INSL6: variants seen among roughly 807,000 people sequenced by gnomAD.
INSL6 encodes insulin-like peptide INSL6.
A neutral mutation model predicts 9.4 loss-of-function variants in INSL6; 16 were observed. The observed-to-expected ratio is 1.70, with a 90% CI of 1.15 to 2.59. INSL6 has a LOEUF of 2.59. Ranked by LOEUF, INSL6 falls within the 30% of genes most tolerant of loss-of-function variation. The pLI, the probability that INSL6 is intolerant of heterozygous loss-of-function variation, is 0.00. For synonymous variants in INSL6, 154 were observed against 96.9 expected (o/e 1.59, Z -3.46); for missense variants, 391 against 257.3 (o/e 1.52, Z -3.56).
chr9:5,170,382 T>C (rs1484470106), intron 1 of INSL6, among the ~76,000 whole-genome samples: 1 of 152,058 alleles, frequency 6.6e-6, no homozygotes, highest in Non-Finnish European at 1.5e-5. Flanking sequence ...TAGCGCTAAA[T>C]GCCCATATCA....
chr9:5,045,441 C>G, the INSL6 span, among the ~76,000 whole-genome samples: 75 of 152,228 alleles, frequency 4.9e-4, no homozygotes, highest in African/African-American at 1.6e-3. Context: ...ACCATTTTAA[C>G]CATTTTAAGT....
intron 1 of INSL6, among the ~76,000 whole-genome samples, chr9:5,168,871 G>A (rs2381213): frequency 0.22 from 33,697 of 151,676 alleles, 4,456 homozygotes; most frequent in South Asian, 0.29. Context: ...ACTAACAGCA[G>A]GCCTCTCAGT....
chr9:5,107,909 A>G, the INSL6 span: 1 of 152,152 alleles, frequency 6.6e-6, no homozygotes, highest in African/African-American at 2.4e-5. Context: ...TTACACACAA[A>G]ATCTAAATTT....
the INSL6 span, chr9:5,109,202 C>T: frequency 1.3e-5 from 2 of 152,186 alleles, no homozygotes; most frequent in East Asian, 1.9e-4. Context: ...GTTAAACCTT[C>T]CTTTACACGA....
At chr9:5,061,230 A>T in the INSL6 span, among the ~76,000 whole-genome samples, 3 of 152,228 alleles carry the variant, frequency 2.0e-5, no homozygotes, top group Non-Finnish European at 4.4e-5. Context: ...TCAAGTCACC[A>T]ATGGCATAGG....
chr9:5,159,130 A>C (rs1481288752), downstream of INSL6, among the ~76,000 whole-genome samples: 10 of 152,132 alleles, frequency 6.6e-5, no homozygotes. Context: ...AAAATCTAAA[A>C]ACATACAACA....
At chr9:5,158,251 T>TG (rs1824858796) in intron 2 of INSL6, among the ~76,000 whole-genome samples, 1 of 151,916 alleles carries the variant, frequency 6.6e-6, no homozygotes, top group African/African-American at 2.4e-5. Flanking sequence ...CTTGAAAGGG[T>TG]GGGGGGAGTG....
chr9:5,019,454 ATTG>A, the INSL6 span, among the ~76,000 whole-genome samples: 2 of 151,710 alleles, frequency 1.3e-5, no homozygotes, highest in Non-Finnish European at 2.9e-5. Context: ...GTTTCTTTGT[ATTG>A]TTTATCTGTA....
chr9:5,042,282 C>T, the INSL6 span, among the ~76,000 whole-genome samples: 7 of 151,714 alleles, frequency 4.6e-5, no homozygotes, highest in Admixed American at 3.3e-4. Context: ...GGACTACAGG[C>T]GCCCGCCACC....
chr9:5,136,081 T>A (rs1055578707), intron 2 of INSL6, among the ~76,000 whole-genome samples: 15 of 151,940 alleles, frequency 9.9e-5, no homozygotes, highest in African/African-American at 3.4e-4. Context: ...CAGAAAGAAG[T>A]CAAATCCCTG....
chr9:5,102,261 C>T, the INSL6 span, among the ~76,000 whole-genome samples: 26 of 152,016 alleles, frequency 1.7e-4, 1 homozygote, highest in African/African-American at 4.6e-4. Flanking sequence ...CTTCACTAGC[C>T]GACTTGATCA....
intron 2 of INSL6, among the ~76,000 whole-genome samples, chr9:5,149,871 G>GC (rs1213274083): frequency 6.6e-6 from 1 of 152,078 alleles, no homozygotes; most frequent in African/African-American, 2.4e-5. Flanking sequence ...AATAACCAAA[G>GC]CAACAGGCTA....
the INSL6 span, among the ~76,000 whole-genome samples, chr9:4,999,883 C>T: frequency 4.6e-5 from 7 of 152,196 alleles, no homozygotes; most frequent in African/African-American, 1.7e-4. Flanking sequence ...TGCTACTACT[C>T]CTGTCCTTTT....
At chr9:5,091,212 T>C in the INSL6 span, 12 of 201,232 alleles carry the variant, frequency 6.0e-5, no homozygotes, top group South Asian at 1.4e-3. Context: ...CTGTGGGTTG[T>C]GGTATTGTGT....
the INSL6 span, among the ~76,000 whole-genome samples, chr9:5,034,099 G>A: frequency 1.8e-4 from 27 of 152,038 alleles, no homozygotes; most frequent in South Asian, 1.9e-3. Flanking sequence ...TCCTAGTCTC[G>A]GATAAAACAG....
chr9:5,185,585 G>A lies in INSL6; in HGVS notation c.18C>T (p.Arg6=). ...GGAGTCCAAGCCACAGCAGGGACAAGCGGAGGAGCCGCGGCATCCCTGTGA... is the reference window on the plus strand; with the variant it reads ...GGAGTCCAAGCCACAGCAGGGACAAACGGAGGAGCCGCGGCATCCCTGTGA... The part of the protein sequence containing the change: MPRLL[R]LSLLWLGLLL... The change falls in exon 1 of 2, where the codon CGC becomes CGT. Residue 6 remains arginine (R), a synonymous_variant. Coordinates refer to ENST00000381641, the MANE Select transcript of INSL6 (RefSeq NM_007179.3). The A allele has an allele frequency of 1.2e-6, 2 of 1,613,394 alleles. No individual in the cohort carries two copies. The highest frequency in any genetic ancestry group is 1.7e-4 in the Middle Eastern group (1 of 5,852).
chr9:5,185,433 T>C lies in INSL6; in HGVS notation c.170A>G (p.Glu57Gly). Residue 57 changes from glutamate to glycine, a missense_variant, in exon 1 of 2, where the codon GAG becomes GGG. Transcript: ENST00000381641. ...HANWSQFRFE[E>G]ETPFSRLIAQ... ...AATCAACCGTGAGAAAGGGGTTTCC[T>C]CCTCGAAACGGAACTGGCTCCAGTT... 1 of 1,614,214 alleles carries C rather than the reference T, an allele frequency of 6.2e-7. No homozygotes were observed. Among genetic ancestry groups the C allele is most frequent in the Non-Finnish European group, 8.5e-7 (1 of 1,180,044 alleles).
At chr9:5,031,035 A>G in the INSL6 span, among the ~76,000 whole-genome samples, 1 of 152,290 alleles carries the variant, frequency 6.6e-6, no homozygotes, top group African/African-American at 2.4e-5. Flanking sequence ...TCTTAATAAG[A>G]AAAAACAGAA....
the INSL6 span, chr9:5,044,432 G>A: frequency 5.2e-4 from 834 of 1,612,238 alleles, 13 homozygotes; most frequent in East Asian, 0.013. Context: ...TATTGCAGTG[G>A]CAGCAACAGA....
Sources: allele counts gnomAD v4.1 joint callset (sites outside exome capture counted in the v4.1 genomes callset), GRCh38; gene constraint gnomAD v4.1.1; transcripts MANE v1.5; gene names NCBI Gene and HGNC (gene_info 2026-07-23, HGNC 2026-07-21).